The following PLXNC1 variants were observed in gnomAD, a reference collection of about 807,000 sequenced individuals.
The protein encoded by PLXNC1 is plexin-C1.
A neutral mutation model predicts 178.2 loss-of-function variants in PLXNC1; 75 were observed. The observed-to-expected ratio is 0.42, with a 90% CI of 0.35 to 0.51. The LOEUF is 0.51. Among genes scored for constraint, PLXNC1 ranks in the 20% least tolerant of loss-of-function variants. The probability of loss-of-function intolerance (pLI) is 0.02; values close to 1 mark genes in which losing one functional copy is unlikely to be tolerated. For synonymous variants in PLXNC1, 790 were observed against 779.9 expected (o/e 1.01, Z -0.22); for missense variants, 1,503 against 1,984.4 (o/e 0.76, Z 4.61).
At chr12:94,275,359 G>A (rs374926746) in intron 21 of PLXNC1, among the ~76,000 whole-genome samples, 3 of 152,186 alleles carry the variant, frequency 2.0e-5, no homozygotes, top group African/African-American at 4.8e-5. Context: ...TGTGGGAGCC[G>A]GAGAGATGGC....
intron 1 of PLXNC1, among the ~76,000 whole-genome samples, chr12:94,156,214 A>G (rs1313810661): frequency 1.3e-5 from 2 of 152,236 alleles, no homozygotes; most frequent in Non-Finnish European, 2.9e-5. Context: ...TGTGTTTACT[A>G]TCATCACCAT....
At chr12:94,250,947 T>C (rs190050598) in intron 14 of PLXNC1, among the ~76,000 whole-genome samples, 44 of 152,228 alleles carry the variant, frequency 2.9e-4, no homozygotes, top group African/African-American at 9.2e-4. Flanking sequence ...GAGCCCATGA[T>C]GAGTTCAAGG....
At chr12:94,159,267 C>T (rs959678832) in intron 1 of PLXNC1, among the ~76,000 whole-genome samples, 4 of 152,230 alleles carry the variant, frequency 2.6e-5, no homozygotes, top group Non-Finnish European at 5.9e-5. Context: ...ATTAACTCAT[C>T]TAATCCTCAC....
chr12:94,292,068 T>C (rs573226552), intron 23 of PLXNC1, among the ~76,000 whole-genome samples: 17 of 152,356 alleles, frequency 1.1e-4, no homozygotes, highest in Non-Finnish European at 1.9e-4. Flanking sequence ...TTTCCTTTTA[T>C]TGTATGGCAA....
chr12:94,258,675 A>G (rs1964919939), intron 17 of PLXNC1, among the ~76,000 whole-genome samples: 1 of 152,216 alleles, frequency 6.6e-6, no homozygotes, highest in Non-Finnish European at 1.5e-5. Context: ...AAAACCAGTA[A>G]TGATAACTGA....
chr12:94,191,526 G>A (rs1383688049), intron 4 of PLXNC1, among the ~76,000 whole-genome samples: 1 of 152,204 alleles, frequency 6.6e-6, no homozygotes, highest in East Asian at 1.9e-4. Flanking sequence ...GCTCACGCCT[G>A]TAATCCCAGC....
At chr12:94,237,630 T>G (rs751693925) in intron 9 of PLXNC1, 34 bp from the exon 10 acceptor site, 8 of 1,595,194 alleles carry the variant, frequency 5.0e-6, no homozygotes, top group Middle Eastern at 1.7e-4. Context: ...TTTCTTAGCT[T>G]TGATCTCCTG....
chr12:94,235,351 G>A (rs1481008133), intron 9 of PLXNC1, among the ~76,000 whole-genome samples: 1 of 152,310 alleles, frequency 6.6e-6, no homozygotes, highest in East Asian at 1.9e-4. Context: ...TTTTACATTA[G>A]TTGTAAGGCT....
At chr12:94,255,580 T>C (rs1002963298) in intron 17 of PLXNC1, among the ~76,000 whole-genome samples, 7 of 152,220 alleles carry the variant, frequency 4.6e-5, no homozygotes, top group African/African-American at 1.7e-4. Flanking sequence ...TTACTCTCAA[T>C]GTAGAACTGA....
intron 9 of PLXNC1, among the ~76,000 whole-genome samples, chr12:94,236,989 G>A (rs958690547): frequency 1.3e-5 from 2 of 152,134 alleles, no homozygotes; most frequent in Admixed American, 6.5e-5. Context: ...ATGAAGCTAG[G>A]TAGCAAGGGA....
At chr12:94,291,929 C>T (rs924289760) in intron 23 of PLXNC1, among the ~76,000 whole-genome samples, 2 of 152,188 alleles carry the variant, frequency 1.3e-5, no homozygotes, top group Non-Finnish European at 2.9e-5. Flanking sequence ...TTTGGAGTCC[C>T]TCATGTCTAC....
At chr12:94,196,396 TCA>T (rs1372118600) in intron 4 of PLXNC1, among the ~76,000 whole-genome samples, 1 of 152,090 alleles carries the variant, frequency 6.6e-6, no homozygotes, top group Non-Finnish European at 1.5e-5. Flanking sequence ...ACCTGCCCCC[TCA>T]CAGTCTTGCT....
At chr12:94,174,295 C>T (rs1285658334) in intron 2 of PLXNC1, among the ~76,000 whole-genome samples, 1 of 152,066 alleles carries the variant, frequency 6.6e-6, no homozygotes, top group Non-Finnish European at 1.5e-5. Flanking sequence ...AGCGATCCTC[C>T]CACCTCAGCC....
intron 14 of PLXNC1, among the ~76,000 whole-genome samples, chr12:94,249,449 G>A (rs1188478259): frequency 6.6e-6 from 1 of 152,090 alleles, no homozygotes; most frequent in Admixed American, 6.5e-5. Flanking sequence ...GGGCTGGCTG[G>A]TCCCAAACTC....
intron 15 of PLXNC1, among the ~76,000 whole-genome samples, chr12:94,253,239 G>A (rs1252244218): frequency 5.9e-3 from 338 of 57,016 alleles, no homozygotes; most frequent in Middle Eastern, 0.016. Flanking sequence ...AAAAAAAAAA[G>A]CACTTTGTAT....
At position 94,251,447 on chromosome 12, in the gene PLXNC1, C is replaced by T. The variant is rs200512252; in HGVS notation, c.2800C>T (p.Leu934Phe). 5 of 1,612,072 alleles carry T rather than the reference C, an allele frequency of 3.1e-6. No individual in the cohort carries two copies. The Admixed American group carries it at 8.3e-5, about 27-fold the overall frequency. The change falls in exon 15 of 31, where the codon CTC becomes TTC. Residue 934 changes from leucine (L) to phenylalanine (F), a missense_variant. Transcript: ENST00000258526. Reference sequence around the variant, plus strand: ...TCAGGTCAAGCTGGGAAACCTGGAGCTCTACGTCGAGCAGGAGTCAGTTCC... The same window carrying T: ...TCAGGTCAAGCTGGGAAACCTGGAGTTCTACGTCGAGCAGGAGTCAGTTCC... ...KVRVKLGNLE[L>F]YVEQESVPST... is the part of the protein sequence containing the mutation.
At position 94,149,058 on chromosome 12, in the gene PLXNC1, G is replaced by A. The variant is rs767383172; in HGVS notation, c.87G>A (p.Ala29=). ...TGCTCGCCTATCTGCTGGCACTGGC[G>A]GCTCCCGGCCGGGGCGCGGACGAGC... ...LPLLAYLLAL[A]APGRGADEPV... is the part of the protein sequence containing the mutation. The change falls in exon 1 of 31, where the codon GCG becomes GCA. Residue 29 remains alanine (A), a synonymous_variant. Coordinates refer to ENST00000258526, the MANE Select transcript of PLXNC1 (RefSeq NM_005761.3). 15 of 1,543,460 alleles carry A rather than the reference G, an allele frequency of 9.7e-6. No individual in the cohort carries two copies. Among genetic ancestry groups the A allele is most frequent in the Non-Finnish European group, 1.2e-5 (14 of 1,153,580 alleles).
chr12:94,176,778 C>T, intron 2 of PLXNC1, among the ~76,000 whole-genome samples: 1 of 151,746 alleles, frequency 6.6e-6, no homozygotes, highest in East Asian at 1.9e-4. Flanking sequence ...TTCTTCCTCC[C>T]TTTTGTTGAA....
At position 94,282,301 on chromosome 12, in the gene PLXNC1, T is replaced by C; in HGVS notation, c.3779T>C (p.Leu1260Pro). The C allele has an allele frequency of 6.2e-7, 1 of 1,611,402 alleles. No individual in the cohort carries two copies. The highest frequency in any genetic ancestry group is 8.5e-7 in the Non-Finnish European group (1 of 1,177,890). The stretch of plus-strand genomic sequence containing the variant: ...GGAACAAAATGCTCTTTTTCAGAGC[T>C]TCAAATGGGCACACGACAGAAAGAA... ...GLQLNEIGLE[L>P]QMGTRQKELL... The change falls in exon 23 of 31, where the codon CTT becomes CCT. Residue 1260 changes from leucine (L) to proline (P), a missense_variant. Leu to Pro is a moderately conservative substitution (Grantham distance 98, BLOSUM62 -3). This residue lies in a region of PLXNC1 where 639 missense variants were observed against 979.7 expected (regional missense o/e 0.65). Transcript: ENST00000258526.
Sources: allele counts gnomAD v4.1 joint callset (sites outside exome capture counted in the v4.1 genomes callset), GRCh38; gene constraint gnomAD v4.1.1; regional missense constraint gnomAD v4.1.1; transcripts MANE v1.5; gene names NCBI Gene and HGNC (gene_info 2026-07-23, HGNC 2026-07-21).